The following NFIL3 variants were observed in gnomAD, a reference collection of about 807,000 sequenced individuals.
NFIL3 encodes nuclear factor, interleukin 3 regulated.
A neutral mutation model predicts 10.0 loss-of-function variants in NFIL3; 5 were observed. The observed-to-expected ratio is 0.50, with a 90% CI of 0.26 to 1.06. The LOEUF (loss-of-function observed/expected upper bound fraction) is 1.06. NFIL3 is among the 50% of genes least tolerant of loss of function. NFIL3 has a pLI of 0.13. For synonymous variants in NFIL3, 202 were observed against 206.5 expected (o/e 0.98, Z 0.19); for missense variants, 436 against 547.6 (o/e 0.80, Z 2.03).
the NFIL3 span, among the ~76,000 whole-genome samples, chr9:91,454,526 A>G: frequency 6.6e-6 from 1 of 152,056 alleles, no homozygotes; most frequent in African/African-American, 2.4e-5. Context: ...GTGATTGTCA[A>G]TTTTTACTTT....
At chr9:91,436,615 A>G in the NFIL3 span, among the ~76,000 whole-genome samples, 1 of 150,554 alleles carries the variant, frequency 6.6e-6, no homozygotes, top group Non-Finnish European at 1.5e-5. Context: ...AACAACAACA[A>G]CAACAAAGAG....
chr9:91,469,855 C>G, the NFIL3 span, among the ~76,000 whole-genome samples: 1 of 152,170 alleles, frequency 6.6e-6, no homozygotes, highest in African/African-American at 2.4e-5. Flanking sequence ...GTATGTTGAA[C>G]CAGCCTTGCA....
chr9:91,452,792 A>C, the NFIL3 span, among the ~76,000 whole-genome samples: 1 of 150,100 alleles, frequency 6.7e-6, no homozygotes. Context: ...TGTCTCAAAA[A>C]AAAAAAAAAA....
chr9:91,450,375 C>T, the NFIL3 span, among the ~76,000 whole-genome samples: 43 of 152,256 alleles, frequency 2.8e-4, no homozygotes, highest in East Asian at 5.0e-3. Context: ...GTCTTTCATG[C>T]ATCCCATAAG....
At chr9:91,428,314 G>A (rs1159924331), upstream of NFIL3, among the ~76,000 whole-genome samples, 3 of 151,848 alleles carry the variant, frequency 2.0e-5, no homozygotes, top group South Asian at 6.2e-4. Context: ...TACTTCCTGG[G>A]ATTCCTTCAT....
At chr9:91,443,127 G>A in the NFIL3 span, among the ~76,000 whole-genome samples, 3 of 152,186 alleles carry the variant, frequency 2.0e-5, no homozygotes, top group African/African-American at 7.2e-5. Context: ...GACCCACAGT[G>A]GGTAGCTACT....
the NFIL3 span, among the ~76,000 whole-genome samples, chr9:91,474,601 T>G: frequency 6.6e-6 from 1 of 152,264 alleles, no homozygotes; most frequent in East Asian, 1.9e-4. Flanking sequence ...AGGGCAGGAG[T>G]GATGGCTTCT....
At chr9:91,428,385 G>A (rs778367981), upstream of NFIL3, among the ~76,000 whole-genome samples, 2 of 152,042 alleles carry the variant, frequency 1.3e-5, no homozygotes, top group Admixed American at 6.6e-5. Context: ...CCACAACCTA[G>A]ACGTTATAGT....
At chr9:91,480,672 G>A in the NFIL3 span, among the ~76,000 whole-genome samples, 2 of 152,150 alleles carry the variant, frequency 1.3e-5, no homozygotes. Context: ...ATACAGCAAG[G>A]AAATTTCAGG....
the NFIL3 span, among the ~76,000 whole-genome samples, chr9:91,437,969 C>G: frequency 1.3e-5 from 2 of 152,142 alleles, no homozygotes; most frequent in East Asian, 3.8e-4. Flanking sequence ...GCAGTAAACA[C>G]GGGCGTGCAC....
In NFIL3 at chr9:91,410,616, G is replaced by A. The variant is rs758380282; in HGVS notation, c.119C>T (p.Thr40Ile). 8.7e-6 allele frequency: 14 copies of A among 1,614,066 alleles called. No homozygotes were observed. The Admixed American group carries it at 2.3e-4, about 27-fold the overall frequency. ...SALTEVSEDSTTGEELLLSEG... is the reference protein window; with the variant it reads ...SALTEVSEDSITGEELLLSEG... ...ACTGAGAAGCAGCTCCTCACCTGTT[G>A]TGGAGTCTTCTGACACTTCCGTTAA... The change falls in exon 2 of 2, where the codon ACA becomes ATA. Residue 40 changes from threonine (T) to isoleucine (I), a missense_variant. This residue lies in a region of NFIL3 where 76 missense variants were observed against 73.0 expected (regional missense o/e 1.04). Coordinates refer to ENST00000297689, the MANE Select transcript of NFIL3 (RefSeq NM_005384.3). The surrounding 1 kb of genome is among the most constrained non-coding windows in gnomAD (Gnocchi z 5.7).
In NFIL3 at chr9:91,409,136, C is replaced by T. The variant is rs764603066; in HGVS notation, c.*210G>A. On this transcript the variant is annotated 3_prime_UTR_variant, in exon 2 of 2. Transcript: ENST00000297689. ...AATAATGTTCAATATATACAGCCTT[C>T]GCATGGACTATCTGACTATACACAG... is the stretch of plus-strand genomic sequence containing the variant. The T allele has an allele frequency of 7.8e-6, 4 of 515,304 alleles. No individual in the cohort carries two copies. Among genetic ancestry groups the T allele is most frequent in the East Asian group, 3.1e-5 (1 of 32,568 alleles). 31.9% of individuals were successfully genotyped at this position (515,304 alleles called of 1,614,324 possible). A position where few individuals can be genotyped will look rare whatever the true frequency, so the allele number is the denominator to read the frequency against.
chr9:91,463,109 C>T, the NFIL3 span, among the ~76,000 whole-genome samples: 7 of 151,676 alleles, frequency 4.6e-5, no homozygotes, highest in East Asian at 1.9e-4. Context: ...AATGGTTTAT[C>T]GATCTTATTG....
the NFIL3 span, among the ~76,000 whole-genome samples, chr9:91,429,905 A>G: frequency 6.6e-6 from 1 of 151,242 alleles, no homozygotes; most frequent in Middle Eastern, 3.2e-3. Flanking sequence ...CCACTCAGGA[A>G]CTCTGTGGCT....
the NFIL3 span, among the ~76,000 whole-genome samples, chr9:91,447,332 T>C: frequency 6.6e-6 from 1 of 152,192 alleles, no homozygotes; most frequent in African/African-American, 2.4e-5. Context: ...TCAATTCCTT[T>C]GGGTATTGAG....
chr9:91,437,030 C>T, the NFIL3 span, among the ~76,000 whole-genome samples: 2 of 152,176 alleles, frequency 1.3e-5, no homozygotes, highest in Admixed American at 6.5e-5. Flanking sequence ...CTAGATCCCT[C>T]GCATGCGCAG....
chr9:91,423,088 C>A (rs181640980), intron 1 of NFIL3, among the ~76,000 whole-genome samples: 20 of 152,320 alleles, frequency 1.3e-4, no homozygotes, highest in Non-Finnish European at 5.9e-5. Context: ...TCTGTGCAGA[C>A]ACAGCCCCTG....
the NFIL3 span, among the ~76,000 whole-genome samples, chr9:91,460,914 T>C: frequency 1.3e-5 from 2 of 152,222 alleles, no homozygotes; most frequent in Non-Finnish European, 2.9e-5. Context: ...CCTAAGCATA[T>C]AGGCAATATA....
chr9:91,442,652 G>T, the NFIL3 span, among the ~76,000 whole-genome samples: 2 of 152,184 alleles, frequency 1.3e-5, no homozygotes, highest in Non-Finnish European at 2.9e-5. Flanking sequence ...GCCAGCACAG[G>T]TGCTGGCTCC....
Sources: allele counts gnomAD v4.1 joint callset (sites outside exome capture counted in the v4.1 genomes callset), GRCh38; gene constraint gnomAD v4.1.1; regional missense constraint gnomAD v4.1.1; non-coding constraint Gnocchi (gnomAD v3.1); transcripts MANE v1.5; gene names NCBI Gene and HGNC (gene_info 2026-07-23, HGNC 2026-07-21).